The following GRM5 variants were observed in gnomAD, a reference collection of about 807,000 sequenced individuals.
GRM5 encodes glutamate metabotropic receptor 5.
GRM5 carries 19 observed loss-of-function variants against 83.1 expected under a neutral mutation model. That is an observed-to-expected ratio of 0.23 (90% confidence interval 0.16 to 0.34). GRM5 has a LOEUF of 0.34. GRM5 is among the 10% of genes least tolerant of loss of function. GRM5 has a pLI of 1.00. For synonymous variants in GRM5, 675 were observed against 633.6 expected (o/e 1.07, Z -0.98); for missense variants, 1,160 against 1,588.3 (o/e 0.73, Z 4.58).
At chr11:88,511,578 C>G in intron 9 of GRM5, among the ~76,000 whole-genome samples, 1 of 152,232 alleles carries the variant, frequency 6.6e-6, no homozygotes, top group Non-Finnish European at 1.5e-5. Context: ...CCACCCCACT[C>G]TGCCCTTCCT....
intron 3 of GRM5, among the ~76,000 whole-genome samples, chr11:88,785,698 ACT>A (rs1943055960): frequency 6.6e-6 from 1 of 151,966 alleles, no homozygotes; most frequent in African/African-American, 2.4e-5. Context: ...TTTTAGGAAA[ACT>A]CTGTTGTGAC....
At chr11:88,607,006 A>G (rs1938165237) in intron 4 of GRM5, among the ~76,000 whole-genome samples, 1 of 138,616 alleles carries the variant, frequency 7.2e-6, no homozygotes, top group African/African-American at 2.7e-5. Context: ...ATGTTGTTTT[A>G]TGGCTTCCCA....
intron 8 of GRM5, among the ~76,000 whole-genome samples, chr11:88,538,426 A>C (rs900770400): frequency 3.3e-5 from 5 of 152,200 alleles, no homozygotes; most frequent in African/African-American, 1.2e-4. Flanking sequence ...CAACATCCTC[A>C]ATAGGGAAAA....
At chr11:88,925,937 C>G in intron 2 of GRM5, 1 of 275,750 alleles carries the variant, frequency 3.6e-6, no homozygotes, top group Non-Finnish European at 7.3e-6. Flanking sequence ...AGGCACATTT[C>G]TTCTTTTCCT....
intron 4 of GRM5, among the ~76,000 whole-genome samples, chr11:88,617,669 A>G (rs1938521872): frequency 6.6e-6 from 1 of 152,220 alleles, no homozygotes; most frequent in African/African-American, 2.4e-5. Context: ...GTGGATGCTT[A>G]TAACTCTAAG....
Position 88,508,084 on chromosome 11 carries a change from A to G in GRM5, c.*508T>C, listed in dbSNP as rs1941227832. On this transcript the variant is annotated 3_prime_UTR_variant, in exon 10 of 10. Coordinates refer to ENST00000305447, the MANE Select transcript of GRM5 (RefSeq NM_001143831.3). The surrounding 1 kb of genome is among the most constrained non-coding windows in gnomAD (Gnocchi z 4.2). The stretch of plus-strand genomic sequence containing the variant: ...TTTTCAAGGTCTTTACAGGAAAGAA[A>G]AAACAAAAAGAAAGAAAAAAGAAAG... The G allele has an allele frequency of 6.5e-6, 1 of 153,534 alleles. No homozygotes were observed. Among genetic ancestry groups the G allele is most frequent in the East Asian group, 1.9e-4 (1 of 5,208 alleles). 9.5% of individuals were successfully genotyped at this position (153,534 alleles called of 1,614,324 possible). A position where few individuals can be genotyped will look rare whatever the true frequency, so the allele number is the denominator to read the frequency against.
intron 2 of GRM5, among the ~76,000 whole-genome samples, chr11:88,867,181 C>T (rs1399979793): frequency 1.3e-5 from 2 of 151,902 alleles, no homozygotes; most frequent in East Asian, 3.9e-4. Flanking sequence ...ATTGTCTTGG[C>T]CCTACAGGCT....
chr11:89,053,641 C>T (rs145560755), intron 1 of GRM5, among the ~76,000 whole-genome samples: 37 of 149,384 alleles, frequency 2.5e-4, no homozygotes, highest in Non-Finnish European at 5.0e-4. Flanking sequence ...AAAATAAATA[C>T]GTAAAATATT....
chr11:88,855,613 C>T (rs929451687), intron 2 of GRM5, among the ~76,000 whole-genome samples: 33 of 151,856 alleles, frequency 2.2e-4, no homozygotes, highest in African/African-American at 7.7e-4. Flanking sequence ...ATATAAACAA[C>T]GATGCTGAAT....
intron 4 of GRM5, among the ~76,000 whole-genome samples, chr11:88,651,823 C>G (rs2135304274): frequency 6.6e-6 from 1 of 152,158 alleles, no homozygotes; most frequent in Non-Finnish European, 1.5e-5. Context: ...TATGAGATTG[C>G]TGGGTTCTTG....
At chr11:88,800,415 T>TA (rs34514290) in intron 3 of GRM5, among the ~76,000 whole-genome samples, 60,459 of 149,610 alleles carry the variant, frequency 0.4, 13,735 homozygotes, top group African/African-American at 0.61. Context: ...CTACAGTACT[T>TA]AAAAAAAAAA....
intron 8 of GRM5, among the ~76,000 whole-genome samples, chr11:88,550,665 G>A (rs1190628236): frequency 6.6e-6 from 1 of 151,804 alleles, no homozygotes; most frequent in Non-Finnish European, 1.5e-5. Flanking sequence ...GAGTGGGGGG[G>A]ATAAAAAAAG....
chr11:88,631,058 A>G (rs931625984), intron 4 of GRM5, among the ~76,000 whole-genome samples: 1 of 152,174 alleles, frequency 6.6e-6, no homozygotes, highest in Non-Finnish European at 1.5e-5. Flanking sequence ...GACACTGGCA[A>G]TTACTGAAAT....
intron 2 of GRM5, among the ~76,000 whole-genome samples, chr11:88,856,984 A>G (rs557272394): frequency 1.3e-5 from 2 of 152,102 alleles, no homozygotes; most frequent in African/African-American, 4.8e-5. Flanking sequence ...TCATATCTGT[A>G]TGTGTATAGA....
At chr11:88,986,716 G>A (rs939192700) in intron 2 of GRM5, among the ~76,000 whole-genome samples, 1 of 70,108 alleles carries the variant, frequency 1.4e-5, no homozygotes, top group Non-Finnish European at 2.9e-5. Flanking sequence ...AGTCAGATGA[G>A]TTTATTTTTG....
intron 3 of GRM5, among the ~76,000 whole-genome samples, chr11:88,831,166 G>A (rs1431223926): frequency 6.6e-6 from 1 of 152,176 alleles, no homozygotes; most frequent in African/African-American, 2.4e-5. Context: ...CCACCAGTCT[G>A]TATCCTGAAT....
chr11:88,664,792 A>T (rs562977918), intron 3 of GRM5, among the ~76,000 whole-genome samples: 1 of 152,166 alleles, frequency 6.6e-6, no homozygotes, highest in South Asian at 2.1e-4. Context: ...TAATTTAGGG[A>T]TTATTTAAAG....
intron 2 of GRM5, among the ~76,000 whole-genome samples, chr11:88,995,037 A>T (rs1426499965): frequency 6.6e-6 from 1 of 152,230 alleles, no homozygotes; most frequent in African/African-American, 2.4e-5. Context: ...AAAATGGTCT[A>T]GCTGTAGAGC....
chr11:88,966,917 T>C (rs1197656402), intron 2 of GRM5, among the ~76,000 whole-genome samples: 2 of 152,114 alleles, frequency 1.3e-5, no homozygotes, highest in African/African-American at 4.8e-5. Context: ...TAGCAGTGTG[T>C]ATGGCCCTCC....
Sources: allele counts gnomAD v4.1 joint callset (sites outside exome capture counted in the v4.1 genomes callset), GRCh38; gene constraint gnomAD v4.1.1; non-coding constraint Gnocchi (gnomAD v3.1); transcripts MANE v1.5; gene names NCBI Gene and HGNC (gene_info 2026-07-23, HGNC 2026-07-21).